RBFOX1: variants seen among roughly 807,000 people sequenced by gnomAD.
RBFOX1 encodes the protein RNA binding fox-1 homolog 1, also known as RNA binding protein fox-1 homolog 1.
In RBFOX1, 8 loss-of-function variants were observed where a neutral mutation model predicts 57.7. The observed-to-expected ratio is 0.14, with a 90% CI of 0.08 to 0.25. RBFOX1 has a LOEUF of 0.25. Among genes scored for constraint, RBFOX1 ranks in the 10% least tolerant of loss-of-function variants. The pLI is 1.00. For missense variants in RBFOX1, 611 were observed against 548.5 expected (o/e 1.11, Z -1.14); for synonymous variants, 326 against 222.4 (o/e 1.47, Z -4.15).
At position 6,052,161 on chromosome 16, in the gene RBFOX1, G is replaced by C. The variant is rs182661794; in HGVS notation, c.-127+32169G>C. Among the ~76,000 whole-genome samples the C allele has an allele frequency of 4.1e-4, 62 of 152,180 alleles. 1 individual carries two copies. The highest frequency in any genetic ancestry group is 5.9e-5 in the Non-Finnish European group (4 of 67,990). On this transcript the variant is annotated intron_variant, in intron 1 of 15. Coordinates refer to ENST00000550418, the MANE Select transcript of RBFOX1 (RefSeq NM_018723.4). ...GCTCCCTAGAGAACAATTCAACGCT[G>C]CTCCGGTTCTTGGTGTCCCTCCGTT...
In RBFOX1 at chr16:7,057,841, C is replaced by G. The variant is rs139572500; in HGVS notation, c.27+5743C>G. On this transcript the variant is annotated intron_variant, in intron 4 of 15. Transcript: ENST00000550418. Reference sequence around the variant, plus strand: ...TAGCCAACATGGTGAAACCCCGTCTCTGCTAAAAATACAAAAATTAGCCAG... The same window carrying G: ...TAGCCAACATGGTGAAACCCCGTCTGTGCTAAAAATACAAAAATTAGCCAG... Among the ~76,000 whole-genome samples the G allele has an allele frequency of 2.3e-3, 356 of 152,144 alleles. 1 individual carries two copies. Among genetic ancestry groups the G allele is most frequent in the African/African-American group, 8.2e-3 (341 of 41,532 alleles).
intron 4 of RBFOX1, among the ~76,000 whole-genome samples, chr16:7,261,419 C>G (rs1389850090): frequency 6.6e-6 from 1 of 152,146 alleles, no homozygotes; most frequent in Non-Finnish European, 1.5e-5. Flanking sequence ...GGCCCAGCCT[C>G]TATTTGGTGC....
chr16:5,425,106 T>G, intron 1 of RBFOX1, among the ~76,000 whole-genome samples: 1 of 140,242 alleles, frequency 7.1e-6, no homozygotes, highest in South Asian at 2.3e-4. Context: ...TCTATCTATC[T>G]ATCTATCTAT....
chr16:6,931,963 A>G (rs1352711074), intron 3 of RBFOX1, among the ~76,000 whole-genome samples: 1 of 152,280 alleles, frequency 6.6e-6, no homozygotes, highest in South Asian at 2.1e-4. Context: ...CCTTTTAATC[A>G]GGAATCAACT....
intron 5 of RBFOX1, among the ~76,000 whole-genome samples, chr16:7,555,222 C>T (rs998547151): frequency 4.6e-5 from 7 of 152,280 alleles, no homozygotes; most frequent in African/African-American, 1.7e-4. Context: ...TTTCACTTTT[C>T]TCCTTTGTTA....
chr16:6,018,250 A>G (rs77506474), upstream of RBFOX1, among the ~76,000 whole-genome samples: 4,606 of 152,172 alleles, frequency 0.03, 250 homozygotes, highest in African/African-American at 0.11. Flanking sequence ...GGGGAAGAGC[A>G]GAGTTTCTCA....
rs550307588 is a variant in RBFOX1, at chr16:7,267,727, G to A, written c.27+215629G>A. ...AAAAATTAACTGGTTGTGATAGTGC[G>A]TGCCTGTAGTCCCAGCTACTTGGGA... On this transcript the variant is annotated intron_variant, in intron 4 of 15. Transcript: ENST00000550418. Among the ~76,000 whole-genome samples, 7 of 151,986 alleles carry A rather than the reference G, an allele frequency of 4.6e-5. No individual in the cohort carries two copies. In the South Asian group the frequency reaches 1.0e-3, roughly 23 times the overall value.
chr16:6,575,758 G>A (rs1333059180), intron 2 of RBFOX1, among the ~76,000 whole-genome samples: 1 of 151,714 alleles, frequency 6.6e-6, no homozygotes, highest in African/African-American at 2.4e-5. Context: ...TCGGGAGGCT[G>A]AGGCAGGAGA....
chr16:6,614,121 C>T (rs1409924738), intron 2 of RBFOX1, among the ~76,000 whole-genome samples: 1 of 152,010 alleles, frequency 6.6e-6, no homozygotes, highest in African/African-American at 2.4e-5. Context: ...TTTTGGAATT[C>T]CCAAAAAATA....
intron 4 of RBFOX1, among the ~76,000 whole-genome samples, chr16:7,485,085 A>G (rs2065045799): frequency 6.6e-6 from 1 of 150,858 alleles, no homozygotes; most frequent in South Asian, 2.1e-4. Flanking sequence ...TTAATAACAG[A>G]GGACTTGACT....
chr16:7,312,187 C>T (rs988349315), intron 4 of RBFOX1, among the ~76,000 whole-genome samples: 12 of 152,198 alleles, frequency 7.9e-5, no homozygotes, highest in African/African-American at 2.9e-4. Context: ...TGAGACCAGC[C>T]TGGCCTACAT....
intron 3 of RBFOX1, among the ~76,000 whole-genome samples, chr16:6,833,260 G>A (rs1208494606): frequency 1.3e-5 from 2 of 151,844 alleles, no homozygotes; most frequent in Admixed American, 6.6e-5. Context: ...CCGCCTCCCA[G>A]ATTGAAGAGA....
At chr16:6,802,312 G>T (rs2085665768) in intron 3 of RBFOX1, among the ~76,000 whole-genome samples, 1 of 152,278 alleles carries the variant, frequency 6.6e-6, no homozygotes, top group Admixed American at 6.5e-5. Context: ...ACAGGGTCCT[G>T]TTGTGCTTCT....
chr16:6,641,350 A>G (rs1161555111), intron 2 of RBFOX1, among the ~76,000 whole-genome samples: 2 of 152,126 alleles, frequency 1.3e-5, no homozygotes, highest in Admixed American at 1.3e-4. Flanking sequence ...CAACGCTGAC[A>G]TCTGTCATTT....
At chr16:7,405,300 C>A (rs573613277) in intron 4 of RBFOX1, among the ~76,000 whole-genome samples, 1 of 152,204 alleles carries the variant, frequency 6.6e-6, no homozygotes, top group African/African-American at 2.4e-5. Context: ...CCTGGTAGCC[C>A]CCCCGCTGCA....
At chr16:5,819,618 A>G (rs1286571969) in intron 3 of RBFOX1, among the ~76,000 whole-genome samples, 2 of 152,174 alleles carry the variant, frequency 1.3e-5, no homozygotes, top group Non-Finnish European at 2.9e-5. Context: ...CTTACGTTGT[A>G]CTGACGCTGG....
intron 2 of RBFOX1, among the ~76,000 whole-genome samples, chr16:6,447,093 A>G (rs1306244312): frequency 3.9e-5 from 6 of 152,220 alleles, no homozygotes; most frequent in Non-Finnish European, 7.3e-5. Flanking sequence ...CGAAAACCGC[A>G]CACCAGATTG....
At chr16:7,708,246 T>TAA (rs201903934) in intron 14 of RBFOX1, among the ~76,000 whole-genome samples, 4 of 150,070 alleles carry the variant, frequency 2.7e-5, no homozygotes, top group Non-Finnish European at 3.0e-5. Context: ...TTGATTCCTT[T>TAA]AAAAAAAAAA....
At chr16:7,504,770 T>TAG in intron 4 of RBFOX1, among the ~76,000 whole-genome samples, 1 of 12,112 alleles carries the variant, frequency 8.3e-5, no homozygotes, top group Non-Finnish European at 2.9e-4. Flanking sequence ...TATATATATA[T>TAG]TTATATATAT....
Sources: allele counts gnomAD v4.1 joint callset (sites outside exome capture counted in the v4.1 genomes callset), GRCh38; gene constraint gnomAD v4.1.1; transcripts MANE v1.5; gene names NCBI Gene and HGNC (gene_info 2026-07-23, HGNC 2026-07-21).